The following DNER variants were observed in gnomAD, a reference collection of about 807,000 sequenced individuals.
DNER encodes delta/notch like EGF repeat containing, also known as delta and Notch-like epidermal growth factor-related receptor.
In DNER, 33 loss-of-function variants were observed where a neutral mutation model predicts 78.2. The observed-to-expected ratio is 0.42, with a 90% confidence interval of 0.32 to 0.56. The LOEUF is 0.56. Among genes scored for constraint, DNER ranks in the 20% least tolerant of loss-of-function variants. DNER has a pLI of 0.11. For synonymous variants in DNER, 417 were observed against 384.8 expected (o/e 1.08, Z -0.98); for missense variants, 918 against 975.3 (o/e 0.94, Z 0.78).
intron 12 of DNER, among the ~76,000 whole-genome samples, chr2:229,360,648 G>A (rs1692190608): frequency 6.6e-6 from 1 of 152,082 alleles, no homozygotes; most frequent in African/African-American, 2.4e-5. Context: ...TCCTGACCTC[G>A]TGATCCACCC....
chr2:229,609,268 T>C (rs1698000516), intron 1 of DNER, among the ~76,000 whole-genome samples: 1 of 152,114 alleles, frequency 6.6e-6, no homozygotes, highest in Non-Finnish European at 1.5e-5. Flanking sequence ...TCAAGCACCT[T>C]CTCTGTTCCA....
chr2:229,553,287 G>A (rs1478272087), intron 4 of DNER, among the ~76,000 whole-genome samples: 1 of 152,138 alleles, frequency 6.6e-6, no homozygotes, highest in Non-Finnish European at 1.5e-5. Context: ...TGATCTCTGG[G>A]TTGTACTTGT....
chr2:229,677,683 T>A (rs1483367617), intron 1 of DNER, among the ~76,000 whole-genome samples: 1 of 152,236 alleles, frequency 6.6e-6, no homozygotes, highest in Non-Finnish European at 1.5e-5. Context: ...CTATGAAGCA[T>A]GATGTAAGTT....
At chr2:229,384,683 C>G (rs1559337084) in intron 11 of DNER, among the ~76,000 whole-genome samples, 2 of 152,146 alleles carry the variant, frequency 1.3e-5, no homozygotes, top group Non-Finnish European at 2.9e-5. Flanking sequence ...AATTCCTGGA[C>G]ACATACACCC....
At chr2:229,375,490 A>G (rs1005482216) in intron 11 of DNER, among the ~76,000 whole-genome samples, 3 of 152,180 alleles carry the variant, frequency 2.0e-5, no homozygotes, top group African/African-American at 7.2e-5. Flanking sequence ...TCCCTCCCTG[A>G]GAAGGAGAGG....
At chr2:229,654,071 C>T (rs1249517511) in intron 1 of DNER, among the ~76,000 whole-genome samples, 2 of 152,198 alleles carry the variant, frequency 1.3e-5, no homozygotes, top group South Asian at 2.1e-4. Flanking sequence ...CACCCATTAA[C>T]TTATCATTTA....
At chr2:229,535,084 C>T (rs994300530) in intron 5 of DNER, among the ~76,000 whole-genome samples, 15 of 152,164 alleles carry the variant, frequency 9.9e-5, no homozygotes, top group African/African-American at 2.2e-4. Flanking sequence ...GATCGGCCTG[C>T]GTCGGCCTCC....
intron 1 of DNER, among the ~76,000 whole-genome samples, chr2:229,692,659 T>C (rs1043997306): frequency 1.3e-5 from 2 of 152,190 alleles, no homozygotes; most frequent in East Asian, 3.8e-4. Flanking sequence ...AAAAATGGTT[T>C]TGGGGTTCAT....
intron 9 of DNER, among the ~76,000 whole-genome samples, chr2:229,417,439 C>T (rs563216235): frequency 1.3e-5 from 2 of 152,144 alleles, no homozygotes; most frequent in African/African-American, 2.4e-5. Flanking sequence ...GGAACAGGGC[C>T]GTCTGAGGAT....
chr2:229,496,638 G>C (rs544138760), intron 6 of DNER, among the ~76,000 whole-genome samples: 1 of 152,238 alleles, frequency 6.6e-6, no homozygotes, highest in South Asian at 2.1e-4. Flanking sequence ...GAAACCAAAA[G>C]AGAGCAGGGA....
intron 8 of DNER, among the ~76,000 whole-genome samples, chr2:229,426,207 C>G (rs147033542): frequency 0.011 from 1,599 of 151,970 alleles, 10 homozygotes; most frequent in Non-Finnish European, 0.017. Context: ...TTTGGGAGGC[C>G]GAGGCGGATG....
chr2:229,468,973 T>C (rs1052101390), intron 7 of DNER, among the ~76,000 whole-genome samples: 1 of 152,146 alleles, frequency 6.6e-6, no homozygotes, highest in African/African-American at 2.4e-5. Flanking sequence ...CCCGCAGGCA[T>C]CATGAGTTTG....
chr2:229,358,581 C>T lies in DNER; in HGVS notation c.2173G>A (p.Asp725Asn). 3 of 1,613,752 alleles carry T rather than the reference C, an allele frequency of 1.9e-6. No individual in the cohort carries two copies. The highest frequency in any genetic ancestry group is 2.5e-6 in the Non-Finnish European group (3 of 1,179,850). Residue 725 changes from aspartate to asparagine, a missense_variant, in exon 13 of 13, where the codon GAC (aspartate) becomes AAC (asparagine). Coordinates refer to ENST00000341772, the MANE Select transcript of DNER (RefSeq NM_139072.4). Reference protein sequence around the residue: ...PIAYEDYSPDDKPLVTLIKTK... With the variant: ...PIAYEDYSPDNKPLVTLIKTK... ...TTAATCAGTGTGACCAAGGGTTTGT[C>T]ATCAGGACTGTAATCTTCATAGGCG...
At chr2:229,540,142 T>C (rs919570653) in intron 5 of DNER, among the ~76,000 whole-genome samples, 2 of 152,110 alleles carry the variant, frequency 1.3e-5, no homozygotes, top group African/African-American at 4.8e-5. Context: ...CCATTGGAGA[T>C]TAGGGACAGC....
At chr2:229,411,349 G>A (rs1329786952) in intron 9 of DNER, among the ~76,000 whole-genome samples, 1 of 152,102 alleles carries the variant, frequency 6.6e-6, no homozygotes, top group Non-Finnish European at 1.5e-5. Flanking sequence ...TTGAGGTCAG[G>A]AGTTCGAGAC....
rs114871412 is a variant in DNER at position 229,366,036 on chromosome 2, G to A, written c.2102+837C>T. Among the ~76,000 whole-genome samples, 780 of 152,268 alleles carry A rather than the reference G, an allele frequency of 5.1e-3. 5 individuals carry two copies. Among genetic ancestry groups the A allele is most frequent in the Middle Eastern group, 0.01 (3 of 294 alleles). On this transcript the variant is annotated intron_variant, in intron 12 of 12. Transcript: ENST00000341772. ...TGGAGAAGTAAATATGGGGTTTTCTGTTCATACCATCTTTAATATTTGTAA... is the reference window on the plus strand; with the variant it reads ...TGGAGAAGTAAATATGGGGTTTTCTATTCATACCATCTTTAATATTTGTAA...
intron 4 of DNER, among the ~76,000 whole-genome samples, chr2:229,561,217 T>C (rs975498164): frequency 6.6e-6 from 1 of 152,120 alleles, no homozygotes; most frequent in Non-Finnish European, 1.5e-5. Flanking sequence ...ATCCCAGAAA[T>C]GGTCCAAATA....
At chr2:229,501,800 G>A (rs1695629254) in intron 6 of DNER, among the ~76,000 whole-genome samples, 1 of 152,130 alleles carries the variant, frequency 6.6e-6, no homozygotes, top group African/African-American at 2.4e-5. Context: ...TTAATTAATT[G>A]ATATTAATTA....
At chr2:229,668,280 C>G (rs1376540258) in intron 1 of DNER, among the ~76,000 whole-genome samples, 2 of 151,698 alleles carry the variant, frequency 1.3e-5, no homozygotes, top group Admixed American at 6.6e-5. Context: ...TCACATGACC[C>G]TAACTTAATT....
Sources: allele counts gnomAD v4.1 joint callset (sites outside exome capture counted in the v4.1 genomes callset), GRCh38; gene constraint gnomAD v4.1.1; transcripts MANE v1.5; gene names NCBI Gene and HGNC (gene_info 2026-07-23, HGNC 2026-07-21).